Variants in GPC5 observed in about 807,000 individuals in gnomAD.
GPC5 encodes the protein glypican-5.
GPC5 carries 47 observed loss-of-function variants against 53.9 expected under a neutral mutation model. The observed-to-expected ratio is 0.87, with a 90% CI of 0.69 to 1.11. The LOEUF (loss-of-function observed/expected upper bound fraction) is 1.11. Ranked by LOEUF, GPC5 falls within the 50% of genes most tolerant of loss-of-function variation. The pLI, the probability that GPC5 is intolerant of heterozygous loss-of-function variation, is 0.00. For synonymous variants in GPC5, 286 were observed against 263.3 expected (o/e 1.09, Z -0.84); for missense variants, 748 against 713.1 (o/e 1.05, Z -0.56).
chr13:92,021,090 T>C (rs1023177763), intron 6 of GPC5, among the ~76,000 whole-genome samples: 1 of 152,158 alleles, frequency 6.6e-6, no homozygotes, highest in African/African-American at 2.4e-5. Context: ...TTCTCCTAAA[T>C]TGTGTAAAAC....
At chr13:91,434,671 TC>T (rs1371518000) in intron 1 of GPC5, among the ~76,000 whole-genome samples, 12 of 152,304 alleles carry the variant, frequency 7.9e-5, no homozygotes, top group Admixed American at 7.2e-4. Flanking sequence ...CGATGCGGGC[TC>T]TTTTTTGGTT....
At chr13:92,385,754 T>TGTATATATATACGTATATATACATATAC in intron 7 of GPC5, among the ~76,000 whole-genome samples, 1 of 118,294 alleles carries the variant, frequency 8.5e-6, no homozygotes, top group African/African-American at 3.4e-5. Flanking sequence ...TATATACACG[T>TGTATATATATACGTATATATACATATAC]GTATATATAT....
intron 5 of GPC5, among the ~76,000 whole-genome samples, chr13:91,905,323 A>G (rs2039542031): frequency 1.3e-5 from 2 of 151,744 alleles, no homozygotes; most frequent in Non-Finnish European, 2.9e-5. Flanking sequence ...TTATTTATAT[A>G]TATGAGTATA....
chr13:92,367,937 C>A (rs1215509092), intron 7 of GPC5, among the ~76,000 whole-genome samples: 2 of 152,154 alleles, frequency 1.3e-5, no homozygotes, highest in Non-Finnish European at 2.9e-5. Context: ...GAATGGTCAA[C>A]AGTAAACCCT....
In GPC5 at chr13:91,430,195, G is replaced by A. The variant is rs79505938; in HGVS notation, c.164-18566G>A. ...TCTAGAAACCCATAAGGAAAAAAGA[G>A]GATGGTGGGAACAGGAGAAATTTTA... On this transcript the variant is annotated intron_variant, in intron 1 of 7. Coordinates refer to ENST00000377067, the MANE Select transcript of GPC5 (RefSeq NM_004466.6). Among the ~76,000 whole-genome samples, 1,305 of 152,292 alleles carry A rather than the reference G, an allele frequency of 8.6e-3. 13 individuals carry two copies. The highest frequency in any genetic ancestry group is 0.014 in the Middle Eastern group (4 of 294).
At position 91,999,426 on chromosome 13, in the gene GPC5, A is replaced by G. The variant is rs572243285; in HGVS notation, c.1401+91369A>G. Among the ~76,000 whole-genome samples, 3 of 152,266 alleles carry G rather than the reference A, an allele frequency of 2.0e-5. No individual in the cohort carries two copies. The South Asian group carries it at 6.2e-4, about 32-fold the overall frequency. ...ATAGAAATATGGAATCATTTTGTTT[A>G]GGTATTCCCCATTTTGCTTAAAATT... On this transcript the variant is annotated intron_variant, in intron 6 of 7. Transcript: ENST00000377067.
intron 6 of GPC5, among the ~76,000 whole-genome samples, chr13:92,131,174 C>T (rs932078764): frequency 3.3e-5 from 5 of 151,746 alleles, no homozygotes; most frequent in African/African-American, 4.8e-5. Context: ...TTAAAATGAC[C>T]GATAATATCA....
chr13:92,755,725 T>C (rs2139332114), intron 7 of GPC5, among the ~76,000 whole-genome samples: 1 of 136,638 alleles, frequency 7.3e-6, no homozygotes, highest in Non-Finnish European at 1.6e-5. Context: ...AACTAGAAAA[T>C]CTAGAAGAAA....
At chr13:92,635,255 T>A (rs918006810) in intron 7 of GPC5, among the ~76,000 whole-genome samples, 6 of 152,190 alleles carry the variant, frequency 3.9e-5, no homozygotes, top group Non-Finnish European at 8.8e-5. Context: ...TATAAGTTTA[T>A]CTTGGTTCCC....
chr13:91,573,674 T>A lies in GPC5; in HGVS notation c.326-119513T>A, dbSNP rs148952010. ...TTGATAATTTTTTCTAGTACCAGTA[T>A]CTAATTTATTTCCTAATTATGTATT... is the stretch of plus-strand genomic sequence containing the variant. On this transcript the variant is annotated intron_variant, in intron 2 of 7. Transcript: ENST00000377067. 3.0e-3 allele frequency among the ~76,000 whole-genome samples: 452 copies of A among 152,284 alleles called. 3 individuals carry two copies. The highest frequency in any genetic ancestry group is 0.01 in the African/African-American group (430 of 41,576).
chr13:92,108,035 C>A (rs990373376), intron 6 of GPC5, among the ~76,000 whole-genome samples: 6 of 152,100 alleles, frequency 3.9e-5, no homozygotes, highest in Non-Finnish European at 8.8e-5. Context: ...GAGAAGTCTC[C>A]TTTTTCCAGA....
At chr13:92,147,868 CA>C (rs1361025052) in intron 7 of GPC5, among the ~76,000 whole-genome samples, 1 of 152,012 alleles carries the variant, frequency 6.6e-6, no homozygotes, top group Non-Finnish European at 1.5e-5. Flanking sequence ...AAGTGTAGGT[CA>C]CATTTCTATT....
intron 7 of GPC5, among the ~76,000 whole-genome samples, chr13:92,215,377 G>C (rs1001052482): frequency 6.6e-6 from 1 of 152,072 alleles, no homozygotes; most frequent in African/African-American, 2.4e-5. Flanking sequence ...GAATGTGATT[G>C]CTGGAACAAT....
chr13:92,071,849 C>T (rs940686182), intron 6 of GPC5, among the ~76,000 whole-genome samples: 24 of 145,042 alleles, frequency 1.7e-4, no homozygotes, highest in Middle Eastern at 4.1e-3. Context: ...ATATATATAA[C>T]GAATTTATTA....
chr13:92,667,278 G>T (rs1348264595), intron 7 of GPC5, among the ~76,000 whole-genome samples: 1 of 152,086 alleles, frequency 6.6e-6, no homozygotes, highest in Non-Finnish European at 1.5e-5. Flanking sequence ...TAAAAAGAGA[G>T]GATTGGTGTC....
intron 7 of GPC5, among the ~76,000 whole-genome samples, chr13:92,191,321 A>C (rs1467362867): frequency 3.3e-5 from 5 of 152,180 alleles, no homozygotes; most frequent in Non-Finnish European, 7.4e-5. Context: ...ATTTTAAAAA[A>C]TGAGATATCA....
At chr13:92,067,399 C>T (rs1201830417) in intron 6 of GPC5, among the ~76,000 whole-genome samples, 1 of 151,994 alleles carries the variant, frequency 6.6e-6, no homozygotes, top group African/African-American at 2.4e-5. Flanking sequence ...GGTATGCGTG[C>T]AACATCCCTT....
At chr13:92,563,807 C>T (rs567527374) in intron 7 of GPC5, among the ~76,000 whole-genome samples, 1 of 152,102 alleles carries the variant, frequency 6.6e-6, no homozygotes, top group South Asian at 2.1e-4. Context: ...CATTTCATTT[C>T]AGAGTTAATT....
At chr13:91,827,954 A>G (rs185173068) in intron 5 of GPC5, among the ~76,000 whole-genome samples, 1 of 152,180 alleles carries the variant, frequency 6.6e-6, no homozygotes, top group Non-Finnish European at 1.5e-5. Flanking sequence ...TCAACAGCAG[A>G]AAAGATAACC....
Sources: gnomAD v4.1 joint callset for allele counts (sites outside exome capture counted in the v4.1 genomes callset) on GRCh38, gnomAD v4.1.1 for gene constraint, MANE v1.5 for transcripts, NCBI Gene and HGNC (gene_info 2026-07-23, HGNC 2026-07-21) for gene names.